Variants in ZNF438 observed in about 807,000 individuals in gnomAD.
ZNF438 encodes zinc finger protein 438.
In ZNF438, 25 loss-of-function variants were observed where a neutral mutation model predicts 38.0. The ratio of observed to expected loss-of-function variants is 0.66; its 90% CI spans 0.48 to 0.92. The LOEUF is 0.92. ZNF438 is among the 40% of genes least tolerant of loss of function. The pLI is 0.00. For missense variants in ZNF438, 1,007 were observed against 999.6 expected (o/e 1.01, Z -0.10); for synonymous variants, 372 against 364.1 (o/e 1.02, Z -0.25).
intron 4 of ZNF438, among the ~76,000 whole-genome samples, chr10:30,863,214 C>T (rs544881174): frequency 1.3e-5 from 2 of 152,264 alleles, no homozygotes; most frequent in East Asian, 1.9e-4. Context: ...CTTGACTGTT[C>T]CTTATTTCTT....
exon 5 of ZNF438, chr10:30,849,805 A>C: frequency 1.2e-6 from 2 of 1,614,154 alleles, no homozygotes; most frequent in African/African-American, 1.3e-5. Context: ...TCAAGTCCCC[A>C]TGGTCACTTC....
chr10:30,915,821 C>T (rs1008309470), intron 2 of ZNF438, among the ~76,000 whole-genome samples: 1 of 151,986 alleles, frequency 6.6e-6, no homozygotes, highest in African/African-American at 2.4e-5. Context: ...ATCAGTTCAA[C>T]TCATAAAAGT....
chr10:30,974,567 G>A (rs1342945955), intron 1 of ZNF438, among the ~76,000 whole-genome samples: 1 of 152,144 alleles, frequency 6.6e-6, no homozygotes, highest in East Asian at 1.9e-4. Flanking sequence ...AGGGACAATC[G>A]ACTGCAACAT....
chr10:30,987,319 CAA>C (rs367636159), intron 1 of ZNF438, among the ~76,000 whole-genome samples: 7 of 102,958 alleles, frequency 6.8e-5, no homozygotes, highest in African/African-American at 1.2e-4. Flanking sequence ...ACCCCTGTCT[CAA>C]AAAAAAAAAA....
intron 1 of ZNF438, among the ~76,000 whole-genome samples, chr10:30,968,465 C>CG (rs1564759199): frequency 1.1e-5 from 1 of 90,056 alleles, no homozygotes; most frequent in African/African-American, 4.5e-5. Context: ...TTTTTTGAGA[C>CG]GGAGTTTCGC....
chr10:30,898,591 T>C (rs995437474), intron 3 of ZNF438, among the ~76,000 whole-genome samples: 8 of 152,158 alleles, frequency 5.3e-5, no homozygotes, highest in African/African-American at 1.9e-4. Context: ...TACATAACCA[T>C]CTATTTTTAT....
intron 3 of ZNF438, among the ~76,000 whole-genome samples, chr10:30,898,516 A>G (rs868065593): frequency 1.1e-4 from 16 of 152,108 alleles, no homozygotes; most frequent in Admixed American, 6.5e-4. Flanking sequence ...TAATACATGT[A>G]TGTGTGTGCA....
chr10:30,965,648 ACT>A (rs1564752031), intron 1 of ZNF438, among the ~76,000 whole-genome samples: 7 of 152,244 alleles, frequency 4.6e-5, no homozygotes, highest in Non-Finnish European at 1.0e-4. Context: ...AAGTGAATTA[ACT>A]TAGGAACAGA....
At chr10:30,975,025 C>G (rs137887608) in intron 1 of ZNF438, among the ~76,000 whole-genome samples, 42 of 152,210 alleles carry the variant, frequency 2.8e-4, no homozygotes, top group African/African-American at 9.9e-4. Context: ...CTCCCTACCT[C>G]TTGGTAGTCT....
chr10:30,874,136 A>G (rs914019647), intron 4 of ZNF438, among the ~76,000 whole-genome samples: 3 of 69,688 alleles, frequency 4.3e-5, no homozygotes, highest in South Asian at 3.9e-4. Context: ...ATATATATAT[A>G]TATATATATA....
chr10:30,931,809 T>C (rs922301848), intron 2 of ZNF438, among the ~76,000 whole-genome samples: 1 of 152,236 alleles, frequency 6.6e-6, no homozygotes, highest in Non-Finnish European at 1.5e-5. Flanking sequence ...TTATTTTATG[T>C]AAAGTCTATG....
chr10:30,854,244 C>T (rs140432597), intron 4 of ZNF438, among the ~76,000 whole-genome samples: 2,119 of 152,142 alleles, frequency 0.014, 59 homozygotes, highest in African/African-American at 0.048. Context: ...GGCGTGAACC[C>T]GGGAGTTTGC....
chr10:30,958,648 A>G lies in ZNF438; in HGVS notation c.-191-16997T>C, dbSNP rs935307145. On this transcript the variant is annotated intron_variant, in intron 1 of 5. Coordinates refer to ENST00000413025, the Ensembl canonical transcript of ZNF438. Reference sequence around the variant, plus strand: ...TTTATAGAGGACCAGAATGTACTAAATGGATGCAATCATCACTACAATCCA... The same window carrying G: ...TTTATAGAGGACCAGAATGTACTAAGTGGATGCAATCATCACTACAATCCA... Among the ~76,000 whole-genome samples the G allele has an allele frequency of 8.2e-5, 12 of 147,052 alleles. 1 individual carries two copies. The Admixed American group carries it at 8.2e-4, about 10-fold the overall frequency.
rs151234697 is a variant in ZNF438 at position 30,989,133 on chromosome 10, T to C, written c.-192+42700A>G. On this transcript the variant is annotated intron_variant, in intron 1 of 5. Coordinates refer to ENST00000413025, the Ensembl canonical transcript of ZNF438. ...TTACACTCAAGACCATTACCAACTC[T>C]TACTTAAGTATATAGCCTGCTGCTG... Among the ~76,000 whole-genome samples, 415 of 152,328 alleles carry C rather than the reference T, an allele frequency of 2.7e-3. 2 individuals are homozygous for C. Among genetic ancestry groups the C allele is most frequent in the Admixed American group, 8.0e-3 (123 of 15,304 alleles).
Position 30,845,038 on chromosome 10 carries a change from G to A in ZNF438, c.2410C>T (p.Pro804Ser), listed in dbSNP as rs201504165. 4.3e-6 allele frequency: 7 copies of A among 1,614,122 alleles called. No homozygotes were observed. In the East Asian group the frequency reaches 1.6e-4, roughly 36 times the overall value. ...TTTAAAATAGCCCACAGTTTGGAAG[G>A]GTCCTCACAGTTATGCTGGTGCTTC... The change falls in exon 6 of 6, where the codon CCT becomes TCT. Residue 804 changes from proline to serine, a missense_variant. By Grantham distance (74) the Pro-to-Ser change is moderately conservative. Transcript: ENST00000413025.
chr10:30,997,347 A>T (rs2054158895), intron 1 of ZNF438, among the ~76,000 whole-genome samples: 1 of 152,176 alleles, frequency 6.6e-6, no homozygotes, highest in South Asian at 2.1e-4. Context: ...TTAAGGAATA[A>T]ATGGGAGGGG....
chr10:30,914,197 T>C (rs1005801239), intron 2 of ZNF438, among the ~76,000 whole-genome samples: 2 of 152,042 alleles, frequency 1.3e-5, no homozygotes, highest in African/African-American at 4.8e-5. Context: ...AAAAGTTAAA[T>C]TAAAAAAGTT....
chr10:30,863,052 TG>T (rs2035847078), intron 4 of ZNF438, among the ~76,000 whole-genome samples: 1 of 152,254 alleles, frequency 6.6e-6, no homozygotes, highest in Non-Finnish European at 1.5e-5. Context: ...AACATTTTTT[TG>T]CTGCACGTTT....
chr10:31,020,917 G>A (rs1363560149), intron 1 of ZNF438, among the ~76,000 whole-genome samples: 1 of 151,954 alleles, frequency 6.6e-6, no homozygotes, highest in Non-Finnish European at 1.5e-5. Flanking sequence ...TTTTCAAAGA[G>A]TGTTTCCATA....
Sources: gnomAD v4.1 joint callset for allele counts (sites outside exome capture counted in the v4.1 genomes callset) on GRCh38, gnomAD v4.1.1 for gene constraint, MANE v1.5 for transcripts, NCBI Gene and HGNC (gene_info 2026-07-23, HGNC 2026-07-21) for gene names.